CCDC148: variants seen among roughly 807,000 people sequenced by gnomAD.
CCDC148 encodes the protein coiled-coil domain-containing protein 148.
Under a neutral mutation model 85.7 loss-of-function variants are expected in CCDC148, and 89 were observed. The observed-to-expected ratio is 1.04, with a 90% CI of 0.87 to 1.24. CCDC148 has a LOEUF of 1.24. Ranked by LOEUF, CCDC148 falls within the 50% of genes most tolerant of loss-of-function variation. The probability of loss-of-function intolerance (pLI) is 0.00; values close to 1 mark genes in which losing one functional copy is unlikely to be tolerated. For missense variants in CCDC148, 692 were observed against 671.7 expected (o/e 1.03, Z -0.33); for synonymous variants, 230 against 213.9 (o/e 1.08, Z -0.66).
In CCDC148 at chr2:158,356,416, C is replaced by T. The variant is rs1331366879; in HGVS notation, c.147+2033G>A. Among the ~76,000 whole-genome samples, 5 of 145,398 alleles carry T rather than the reference C, an allele frequency of 3.4e-5. No homozygotes were observed. The East Asian group carries it at 6.2e-4, about 18-fold the overall frequency. ...ACAAACAACCCCATCAAAAAGTGGG[C>T]GAAGGACATGAACAGACACTTCTCA... On this transcript the variant is annotated intron_variant, in intron 2 of 13. Coordinates refer to ENST00000283233, the MANE Select transcript of CCDC148 (RefSeq NM_138803.4).
Position 158,228,555 on chromosome 2 carries a change from A to T in CCDC148, c.1252-7842T>A, listed in dbSNP as rs190347908. Among the ~76,000 whole-genome samples the T allele has an allele frequency of 4.0e-3, 616 of 152,236 alleles. 2 individuals are homozygous for T. The highest frequency in any genetic ancestry group is 7.1e-3 in the Non-Finnish European group (484 of 68,000). ...TCACAATAGCAAAGACTTGGAACCA[A>T]CCCAAATGTCCAACAATGATAGACT... On this transcript the variant is annotated intron_variant, in intron 10 of 13. Coordinates refer to ENST00000283233, the MANE Select transcript of CCDC148 (RefSeq NM_138803.4).
intron 1 of CCDC148, among the ~76,000 whole-genome samples, chr2:158,402,310 T>C (rs752268492): frequency 1.1e-4 from 17 of 152,104 alleles, no homozygotes; most frequent in South Asian, 2.1e-4. Context: ...TTCACATCAT[T>C]CACCACATAC....
intron 1 of CCDC148, among the ~76,000 whole-genome samples, chr2:158,371,724 A>C (rs1366538597): frequency 4.8e-5 from 3 of 62,744 alleles, no homozygotes; most frequent in African/African-American, 8.8e-5. Flanking sequence ...GCATGTATAC[A>C]TATATATATA....
chr2:158,173,671 G>C (rs1229319747), intron 13 of CCDC148, among the ~76,000 whole-genome samples: 3 of 152,008 alleles, frequency 2.0e-5, no homozygotes, highest in Admixed American at 2.0e-4. Context: ...GGGCAACGAT[G>C]AGTATGAAGT....
intron 9 of CCDC148, among the ~76,000 whole-genome samples, chr2:158,293,840 C>G (rs1691009138): frequency 2.0e-5 from 3 of 152,160 alleles, no homozygotes; most frequent in Admixed American, 2.0e-4. Flanking sequence ...GCATCAACTA[C>G]CTAAAATAGA....
At position 158,240,452 on chromosome 2, in the gene CCDC148, TCACACACACACACA is replaced by T. The variant is rs4028276; in HGVS notation, c.1251+10306_1251+10319del. On this transcript the variant is annotated intron_variant, in intron 10 of 13. Coordinates refer to ENST00000283233, the MANE Select transcript of CCDC148 (RefSeq NM_138803.4). ...CTCTCTCTTTCTCTCTCTCTCTCTC[TCACACACACACACA>T]CACACACACACACACACACACACAC... is the stretch of plus-strand genomic sequence containing the variant. Among the ~76,000 whole-genome samples, 8 of 120,546 alleles carry T rather than the reference TCACACACACACACA, an allele frequency of 6.6e-5. No individual in the cohort carries two copies. The South Asian group carries it at 1.3e-3, about 19-fold the overall frequency. 79.1% of individuals were successfully genotyped at this position (120,546 alleles called of 152,430 possible). A position where few individuals can be genotyped will look rare whatever the true frequency, so the allele number is the denominator to read the frequency against.
At chr2:158,421,954 T>C (rs1008507093) in intron 1 of CCDC148, among the ~76,000 whole-genome samples, 3 of 152,078 alleles carry the variant, frequency 2.0e-5, no homozygotes, top group Admixed American at 6.6e-5. Context: ...GAGAATACTA[T>C]AAACACCTCT....
chr2:158,340,606 GTAAGGTCA>G lies in CCDC148; in HGVS notation c.318_325del (p.Asp107LysfsTer3), dbSNP rs1682634373. ...GATCAAAAAAATCTTACCAAAATTTGTAAGGTCACAAAGACATTCATTTCCAATGTTCT... is the reference window on the plus strand; with the variant it reads ...GATCAAAAAAATCTTACCAAAATTTGCAAAGACATTCATTTCCAATGTTCT... On this transcript the variant is annotated frameshift_variant, in exon 4 of 14. Coordinates refer to ENST00000283233, the MANE Select transcript of CCDC148 (RefSeq NM_138803.4). LOFTEE classifies it high-confidence loss of function. 1.3e-6 allele frequency: 2 copies of G among 1,577,986 alleles called. No homozygotes were observed.
intron 1 of CCDC148, among the ~76,000 whole-genome samples, chr2:158,380,617 G>T (rs1310691163): frequency 6.6e-6 from 1 of 152,140 alleles, no homozygotes; most frequent in Non-Finnish European, 1.5e-5. Flanking sequence ...AAATTGGCAA[G>T]CTGGTTTAAA....
chr2:158,283,615 G>A (rs1165227321), intron 9 of CCDC148, among the ~76,000 whole-genome samples: 1 of 152,112 alleles, frequency 6.6e-6, no homozygotes, highest in Non-Finnish European at 1.5e-5. Flanking sequence ...TCATTAAAAA[G>A]TCAGGAAACA....
chr2:158,220,626 T>C lies in CCDC148; in HGVS notation c.1339A>G (p.Ile447Val). The stretch of plus-strand genomic sequence containing the variant: ...CTGTCTTTTAGTGACTGTTCAGCGA[T>C]TAATTTCTTCAGTTCTTCTAGACGC... ...LQRLEELKKL[I>V]AEQSLKDRER... The change falls in exon 11 of 14, where the codon ATC (isoleucine) becomes GTC (valine). Residue 447 changes from isoleucine to valine, a missense_variant. Physicochemically the swap from Ile to Val is conservative, Grantham distance 29 (BLOSUM62 3). Coordinates refer to ENST00000283233, the MANE Select transcript of CCDC148 (RefSeq NM_138803.4). 6.2e-7 allele frequency: 1 copy of C among 1,604,470 alleles called. No individual in the cohort carries two copies. Among genetic ancestry groups the C allele is most frequent in the Non-Finnish European group, 8.5e-7 (1 of 1,177,732 alleles).
At chr2:158,316,699 A>G (rs1692297060) in intron 7 of CCDC148, among the ~76,000 whole-genome samples, 1 of 152,236 alleles carries the variant, frequency 6.6e-6, no homozygotes, top group Non-Finnish European at 1.5e-5. Context: ...TCACATAGGC[A>G]GTAATAATGA....
intron 11 of CCDC148, among the ~76,000 whole-genome samples, chr2:158,219,874 C>T (rs1248693634): frequency 2.0e-5 from 3 of 152,156 alleles, no homozygotes; most frequent in Non-Finnish European, 2.9e-5. Flanking sequence ...GGGAACCCTC[C>T]TTCAGCCCTA....
chr2:158,185,456 G>C (rs936237471), intron 11 of CCDC148, among the ~76,000 whole-genome samples: 1 of 152,044 alleles, frequency 6.6e-6, no homozygotes, highest in Non-Finnish European at 1.5e-5. Flanking sequence ...GAATTATTTC[G>C]GCAGCTCCAA....
Position 158,444,994 on chromosome 2 carries a change from C to T in CCDC148, c.25+11421G>A, listed in dbSNP as rs571793811. 1.3e-4 allele frequency among the ~76,000 whole-genome samples: 20 copies of T among 151,952 alleles called. No individual in the cohort carries two copies. In the South Asian group the frequency reaches 1.7e-3, roughly 13 times the overall value. ...TAAACTCTTAGATACAGAAGCCTTC[C>T]GTGTTTATGCACACTAGCACAGGAA... On this transcript the variant is annotated intron_variant, in intron 1 of 13. Transcript: ENST00000283233.
At chr2:158,429,036 A>G (rs1687205731) in intron 1 of CCDC148, among the ~76,000 whole-genome samples, 2 of 151,842 alleles carry the variant, frequency 1.3e-5, no homozygotes, top group South Asian at 4.2e-4. Context: ...TATCACAAGG[A>G]CGGGAAACCA....
At chr2:158,274,056 A>G (rs1346672801) in intron 9 of CCDC148, among the ~76,000 whole-genome samples, 1 of 152,200 alleles carries the variant, frequency 6.6e-6, no homozygotes, top group African/African-American at 2.4e-5. Context: ...ACCCCATACT[A>G]GAAGCGAGAA....
chr2:158,454,256 G>C (rs1180866455), intron 1 of CCDC148, among the ~76,000 whole-genome samples: 1 of 152,178 alleles, frequency 6.6e-6, no homozygotes, highest in Non-Finnish European at 1.5e-5. Flanking sequence ...AGATAGAGAT[G>C]GTGGTAGGGT....
intron 1 of CCDC148, among the ~76,000 whole-genome samples, chr2:158,365,016 T>C (rs1176526978): frequency 6.6e-6 from 1 of 152,202 alleles, no homozygotes; most frequent in Non-Finnish European, 1.5e-5. Context: ...CAGACACTTC[T>C]GAAAAGAAGA....
Sources: allele counts gnomAD v4.1 joint callset (sites outside exome capture counted in the v4.1 genomes callset), GRCh38; gene constraint gnomAD v4.1.1; transcripts MANE v1.5; gene names NCBI Gene and HGNC (gene_info 2026-07-23, HGNC 2026-07-21).